Variants in SLC24A2 observed in about 807,000 individuals in gnomAD.
SLC24A2 encodes solute carrier family 24 member 2.
A neutral mutation model predicts 62.0 loss-of-function variants in SLC24A2; 36 were observed. That is an observed-to-expected ratio of 0.58 (90% CI 0.44 to 0.77). The LOEUF (loss-of-function observed/expected upper bound fraction) is 0.77. SLC24A2 is among the 30% of genes least tolerant of loss of function. The pLI is 0.00. For missense variants in SLC24A2, 846 were observed against 817.9 expected (o/e 1.03, Z -0.42); for synonymous variants, 358 against 294.0 (o/e 1.22, Z -2.23).
chr9:19,719,742 T>C (rs1292946016), intron 2 of SLC24A2, among the ~76,000 whole-genome samples: 1 of 152,236 alleles, frequency 6.6e-6, no homozygotes, highest in African/African-American at 2.4e-5. Flanking sequence ...ACAAACTTCA[T>C]ATAACTACCT....
the SLC24A2 span, among the ~76,000 whole-genome samples, chr9:20,106,157 GA>G: frequency 1.3e-5 from 2 of 152,172 alleles, no homozygotes; most frequent in Non-Finnish European, 1.5e-5. Context: ...GGAAGAAGTT[GA>G]ATCTCTGAAT....
At chr9:19,544,848 T>C (rs948271324) in intron 8 of SLC24A2, among the ~76,000 whole-genome samples, 6 of 152,220 alleles carry the variant, frequency 3.9e-5, no homozygotes, top group Admixed American at 2.6e-4. Flanking sequence ...TCTCTCTGGC[T>C]GCCCTTAACA....
At chr9:19,572,314 G>C (rs901053851) in intron 7 of SLC24A2, among the ~76,000 whole-genome samples, 7 of 151,066 alleles carry the variant, frequency 4.6e-5, no homozygotes, top group Admixed American at 3.3e-4. Context: ...CTTCAGCTGT[G>C]AGGTTAAAGG....
At chr9:19,616,937 A>G (rs952112713) in intron 4 of SLC24A2, among the ~76,000 whole-genome samples, 6 of 152,184 alleles carry the variant, frequency 3.9e-5, no homozygotes, top group Admixed American at 1.3e-4. Context: ...TGGAGAGAAC[A>G]GCCTATGGAA....
the SLC24A2 span, among the ~76,000 whole-genome samples, chr9:19,956,483 A>G: frequency 6.6e-6 from 1 of 152,182 alleles, no homozygotes; most frequent in African/African-American, 2.4e-5. Context: ...CACGCTGATA[A>G]AGACATATCC....
intron 7 of SLC24A2, among the ~76,000 whole-genome samples, chr9:19,551,769 C>T (rs530633076): frequency 6.6e-5 from 10 of 152,142 alleles, no homozygotes; most frequent in African/African-American, 2.2e-4. Flanking sequence ...GGTGAGAGGC[C>T]GGGCTCACAG....
the SLC24A2 span, among the ~76,000 whole-genome samples, chr9:19,845,791 C>T: frequency 6.6e-6 from 1 of 152,024 alleles, no homozygotes; most frequent in Non-Finnish European, 1.5e-5. Context: ...TGTTGTTTCT[C>T]TGGTTTCATT....
chr9:20,187,094 C>G, the SLC24A2 span, among the ~76,000 whole-genome samples: 1 of 152,150 alleles, frequency 6.6e-6, no homozygotes, highest in Non-Finnish European at 1.5e-5. Context: ...GCCAGCAGAG[C>G]TGGTCCTATT....
chr9:19,941,590 T>TGTGTGTGTGTGTGTGTGTGAGA, the SLC24A2 span, among the ~76,000 whole-genome samples: 7 of 127,980 alleles, frequency 5.5e-5, no homozygotes, highest in South Asian at 7.7e-4. Flanking sequence ...TGTGTGTGTG[T>TGTGTGTGTGTGTGTGTGTGAGA]GAGAGAGAGA....
chr9:19,543,723 C>G (rs1834401699), intron 8 of SLC24A2, among the ~76,000 whole-genome samples: 1 of 152,068 alleles, frequency 6.6e-6, no homozygotes, highest in African/African-American at 2.4e-5. Flanking sequence ...GTTCAATTTC[C>G]ATGTAGTTGT....
chr9:19,749,738 C>T (rs543942155), intron 2 of SLC24A2, among the ~76,000 whole-genome samples: 211 of 152,238 alleles, frequency 1.4e-3, no homozygotes, highest in African/African-American at 4.7e-3. Flanking sequence ...TAATGAAAAA[C>T]GAAACTTACC....
At chr9:20,187,355 G>A in the SLC24A2 span, among the ~76,000 whole-genome samples, 5 of 152,244 alleles carry the variant, frequency 3.3e-5, no homozygotes, top group Non-Finnish European at 5.9e-5. Context: ...AGAACAGATA[G>A]TAAAAGAGAG....
At chr9:19,932,970 T>A in the SLC24A2 span, among the ~76,000 whole-genome samples, 1 of 152,342 alleles carries the variant, frequency 6.6e-6, no homozygotes, top group East Asian at 1.9e-4. Flanking sequence ...AATATAGAAT[T>A]GTTGGACTCC....
the SLC24A2 span, among the ~76,000 whole-genome samples, chr9:20,259,453 G>A: frequency 6.6e-6 from 1 of 152,088 alleles, no homozygotes; most frequent in Non-Finnish European, 1.5e-5. Flanking sequence ...AAAAAAATTA[G>A]TTTGTTTTTA....
At chr9:20,010,454 G>C in the SLC24A2 span, among the ~76,000 whole-genome samples, 1 of 152,062 alleles carries the variant, frequency 6.6e-6, no homozygotes, top group African/African-American at 2.4e-5. Flanking sequence ...TAATCCTCTT[G>C]AAGAAGTTCA....
chr9:19,700,083 G>A (rs1432438219), intron 2 of SLC24A2, among the ~76,000 whole-genome samples: 1 of 152,170 alleles, frequency 6.6e-6, no homozygotes, highest in Non-Finnish European at 1.5e-5. Context: ...GACAGTATAA[G>A]AAAAATGCTT....
chr9:20,134,483 G>A, the SLC24A2 span, among the ~76,000 whole-genome samples: 250 of 152,042 alleles, frequency 1.6e-3, no homozygotes, highest in African/African-American at 4.7e-3. Context: ...CAGAGTTGAG[G>A]CCATTGGGAG....
the SLC24A2 span, among the ~76,000 whole-genome samples, chr9:19,832,478 C>T: frequency 6.6e-6 from 1 of 152,092 alleles, no homozygotes; most frequent in East Asian, 1.9e-4. Context: ...GGGACGAAAA[C>T]AAGAAATGGG....
At chr9:19,567,741 A>C (rs1586974900) in intron 7 of SLC24A2, among the ~76,000 whole-genome samples, 1 of 151,710 alleles carries the variant, frequency 6.6e-6, no homozygotes, top group East Asian at 1.9e-4. Flanking sequence ...GTGGCATCCC[A>C]GATCAGATTT....
Sources: gnomAD v4.1 joint callset for allele counts (sites outside exome capture counted in the v4.1 genomes callset) on GRCh38, gnomAD v4.1.1 for gene constraint, MANE v1.5 for transcripts, NCBI Gene and HGNC (gene_info 2026-07-23, HGNC 2026-07-21) for gene names.